Variants in PDLIM5 observed in about 807,000 individuals in gnomAD.
The protein encoded by PDLIM5 is PDZ and LIM domain protein 5.
In PDLIM5, 34 loss-of-function variants were observed where a neutral mutation model predicts 64.2. That is an observed-to-expected ratio of 0.53 (90% CI 0.40 to 0.71). The LOEUF (loss-of-function observed/expected upper bound fraction) is 0.71. Among genes scored for constraint, PDLIM5 ranks in the 30% least tolerant of loss-of-function variants. The pLI is 0.00. For synonymous variants in PDLIM5, 253 were observed against 269.1 expected (o/e 0.94, Z 0.59); for missense variants, 683 against 733.6 (o/e 0.93, Z 0.80).
chr4:94,455,460 G>A (rs1385285047), intron 2 of PDLIM5, 76 bp downstream of exon 2: 1 of 912,918 alleles, frequency 1.1e-6, no homozygotes, highest in South Asian at 1.4e-5. Flanking sequence ...TTAATTCTCT[G>A]TTGACCTGTA....
chr4:94,597,284 G>T (rs1037554135), intron 7 of PDLIM5, among the ~76,000 whole-genome samples: 3 of 152,104 alleles, frequency 2.0e-5, no homozygotes, highest in African/African-American at 2.4e-5. Flanking sequence ...AAATTTGGTG[G>T]AATCAAGTTT....
intron 2 of PDLIM5, among the ~76,000 whole-genome samples, chr4:94,479,753 T>A (rs934205576): frequency 6.6e-5 from 10 of 152,202 alleles, no homozygotes; most frequent in Non-Finnish European, 1.2e-4. Context: ...CTATCATATC[T>A]TGTGTTTTTT....
intron 5 of PDLIM5, chr4:94,582,675 A>G (rs1224722157): frequency 1.4e-6 from 2 of 1,446,964 alleles, no homozygotes; most frequent in Non-Finnish European, 1.9e-6. Context: ...TGTCTTCTCT[A>G]CTCTATCGCA....
chr4:94,616,974 A>G (rs1056297033), intron 7 of PDLIM5, among the ~76,000 whole-genome samples: 3 of 152,238 alleles, frequency 2.0e-5, no homozygotes, highest in African/African-American at 4.8e-5. Flanking sequence ...AAAAAGGTGC[A>G]TGGGACCAAG....
chr4:94,461,641 C>A (rs1723890397), intron 2 of PDLIM5, among the ~76,000 whole-genome samples: 1 of 152,040 alleles, frequency 6.6e-6, no homozygotes, highest in South Asian at 2.1e-4. Flanking sequence ...TAGTTATCTA[C>A]CCTTCTGTAA....
chr4:94,548,513 C>G (rs1732519727), intron 3 of PDLIM5, among the ~76,000 whole-genome samples: 1 of 152,036 alleles, frequency 6.6e-6, no homozygotes, highest in Admixed American at 6.6e-5. Flanking sequence ...TTAGTAGATT[C>G]CATAGAAAGT....
At chr4:94,491,445 A>G (rs1175003933) in intron 2 of PDLIM5, among the ~76,000 whole-genome samples, 1 of 152,134 alleles carries the variant, frequency 6.6e-6, no homozygotes. Flanking sequence ...AACAAATTGA[A>G]TATTGAATAA....
chr4:94,574,843 AT>A (rs1434495206), intron 4 of PDLIM5, among the ~76,000 whole-genome samples: 6 of 151,494 alleles, frequency 4.0e-5, no homozygotes, highest in African/African-American at 9.7e-5. Flanking sequence ...AATATTGAAG[AT>A]TTTTTTTTCT....
chr4:94,606,465 T>C (rs1420758666), intron 7 of PDLIM5, among the ~76,000 whole-genome samples: 1 of 151,152 alleles, frequency 6.6e-6, no homozygotes, highest in Non-Finnish European at 1.5e-5. Flanking sequence ...CAGTGAGGAG[T>C]AGGAGACTGT....
At chr4:94,479,830 C>T (rs987677369) in intron 2 of PDLIM5, among the ~76,000 whole-genome samples, 17 of 152,076 alleles carry the variant, frequency 1.1e-4, no homozygotes, top group African/African-American at 3.9e-4. Flanking sequence ...GTCTTTGCTT[C>T]GATCCTGATT....
intron 3 of PDLIM5, among the ~76,000 whole-genome samples, chr4:94,556,814 C>G (rs1299188775): frequency 6.6e-6 from 1 of 152,122 alleles, no homozygotes; most frequent in African/African-American, 2.4e-5. Context: ...AGCCCTTTGT[C>G]AGATGAGTAG....
intron 8 of PDLIM5, among the ~76,000 whole-genome samples, chr4:94,620,639 G>A (rs376937525): frequency 6.6e-6 from 1 of 151,902 alleles, no homozygotes; most frequent in African/African-American, 2.4e-5. Context: ...CTTTGTTTTT[G>A]TATTTTTCAC....
At chr4:94,458,069 C>T (rs1327338821) in intron 2 of PDLIM5, among the ~76,000 whole-genome samples, 1 of 152,074 alleles carries the variant, frequency 6.6e-6, no homozygotes, top group East Asian at 1.9e-4. Flanking sequence ...TTTTTAACCC[C>T]TTGTGTGGTT....
intron 2 of PDLIM5, among the ~76,000 whole-genome samples, chr4:94,521,183 C>A (rs1729794350): frequency 6.6e-6 from 1 of 152,128 alleles, no homozygotes. Context: ...TGCAATTTTT[C>A]TACTCTCATT....
intron 2 of PDLIM5, among the ~76,000 whole-genome samples, chr4:94,459,860 G>C (rs1723718533): frequency 6.6e-6 from 1 of 152,172 alleles, no homozygotes; most frequent in South Asian, 2.1e-4. Flanking sequence ...TAGTGAAGAT[G>C]AAGACTTTTC....
At chr4:94,648,712 C>G (rs1035019439) in intron 9 of PDLIM5, among the ~76,000 whole-genome samples, 2 of 152,188 alleles carry the variant, frequency 1.3e-5, no homozygotes, top group African/African-American at 4.8e-5. Context: ...ATGTAGAGAT[C>G]CAGATCTTCT....
At chr4:94,616,735 A>G (rs1213385435) in intron 7 of PDLIM5, among the ~76,000 whole-genome samples, 1 of 152,236 alleles carries the variant, frequency 6.6e-6, no homozygotes, top group Non-Finnish European at 1.5e-5. Flanking sequence ...GATCAAAAAT[A>G]ATAAAAGCTG....
intron 2 of PDLIM5, among the ~76,000 whole-genome samples, chr4:94,499,747 C>T (rs189879394): frequency 8.0e-4 from 122 of 152,288 alleles, no homozygotes; most frequent in African/African-American, 2.8e-3. Context: ...AGCATTACCA[C>T]CTGAGCTCCG....
chr4:94,495,652 A>G (rs1230554112), intron 2 of PDLIM5, among the ~76,000 whole-genome samples: 1 of 152,184 alleles, frequency 6.6e-6, no homozygotes, highest in African/African-American at 2.4e-5. Flanking sequence ...CATGATGCAT[A>G]TTACTAAGGA....
Sources: allele counts gnomAD v4.1 joint callset (sites outside exome capture counted in the v4.1 genomes callset), GRCh38; gene constraint gnomAD v4.1.1; transcripts MANE v1.5; gene names NCBI Gene and HGNC (gene_info 2026-07-23, HGNC 2026-07-21).